Variants in ANO10 observed in about 807,000 individuals in gnomAD.
ANO10 encodes anoctamin 10, also known as anoctamin-10.
ANO10 carries 77 observed loss-of-function variants against 74.7 expected under a neutral mutation model. The ratio of observed to expected loss-of-function variants is 1.03; its 90% confidence interval spans 0.86 to 1.25. The LOEUF is 1.25. Ranked by LOEUF, ANO10 falls within the 50% of genes most tolerant of loss-of-function variation. The pLI is 0.00. For missense variants in ANO10, 721 were observed against 778.1 expected (o/e 0.93, Z 0.87); for synonymous variants, 279 against 284.9 (o/e 0.98, Z 0.21).
At chr3:43,613,125 ACC>A (rs1334514791) in intron 1 of ANO10, among the ~76,000 whole-genome samples, 1 of 151,842 alleles carries the variant, frequency 6.6e-6, no homozygotes, top group Non-Finnish European at 1.5e-5. Context: ...CCAAGGTCAC[ACC>A]ACTGCACTCC....
intron 11 of ANO10, among the ~76,000 whole-genome samples, chr3:43,537,869 C>A (rs1430220581): frequency 6.6e-6 from 1 of 152,218 alleles, no homozygotes; most frequent in East Asian, 1.9e-4. Flanking sequence ...CCACAAACCA[C>A]CGTCACATAG....
At chr3:43,583,192 G>A (rs550375855) in intron 4 of ANO10, among the ~76,000 whole-genome samples, 1 of 151,632 alleles carries the variant, frequency 6.6e-6, no homozygotes, top group South Asian at 2.1e-4. Context: ...CAGTGCCAAA[G>A]TCATGGTTCT....
intron 1 of ANO10, among the ~76,000 whole-genome samples, chr3:43,678,210 C>T (rs1369961380): frequency 1.3e-5 from 2 of 152,144 alleles, no homozygotes; most frequent in East Asian, 1.9e-4. Context: ...ATATTTCATG[C>T]CATCTATTGA....
At chr3:43,475,909 T>C (rs973314846) in intron 11 of ANO10, among the ~76,000 whole-genome samples, 19 of 152,170 alleles carry the variant, frequency 1.2e-4, no homozygotes, top group African/African-American at 4.3e-4. Context: ...GCCTACAAAT[T>C]TGTATGTATC....
intron 1 of ANO10, among the ~76,000 whole-genome samples, chr3:43,629,086 C>T (rs1458332976): frequency 2.0e-5 from 3 of 152,238 alleles, no homozygotes; most frequent in East Asian, 3.9e-4. Flanking sequence ...TGGGGCATCA[C>T]GGAACCTACC....
At chr3:43,617,745 TG>T (rs1429266068) in intron 1 of ANO10, among the ~76,000 whole-genome samples, 4 of 152,122 alleles carry the variant, frequency 2.6e-5, no homozygotes, top group African/African-American at 9.6e-5. Flanking sequence ...AAAAAGTCAA[TG>T]GAATTATCAC....
chr3:43,442,981 T>C (rs2093183272), intron 11 of ANO10, among the ~76,000 whole-genome samples: 1 of 152,216 alleles, frequency 6.6e-6, no homozygotes, highest in Non-Finnish European at 1.5e-5. Context: ...CTCAATAACA[T>C]AATGACTAGG....
intron 4 of ANO10, among the ~76,000 whole-genome samples, chr3:43,593,159 G>C (rs1324967403): frequency 6.6e-6 from 1 of 152,248 alleles, no homozygotes; most frequent in African/African-American, 2.4e-5. Flanking sequence ...GTGACGGAGA[G>C]AATGGAAACA....
intron 8 of ANO10, among the ~76,000 whole-genome samples, chr3:43,564,884 G>C (rs1229842335): frequency 6.6e-6 from 1 of 152,132 alleles, no homozygotes; most frequent in East Asian, 1.9e-4. Context: ...CTTCTGCTAA[G>C]TAAAGGAGAC....
chr3:43,469,595 C>T (rs1375308152), intron 11 of ANO10, among the ~76,000 whole-genome samples: 1 of 152,098 alleles, frequency 6.6e-6, no homozygotes, highest in Admixed American at 6.6e-5. Context: ...AATGAAGCTA[C>T]CCTAAACAAG....
At chr3:43,493,711 TTAAA>T (rs1459458801) in intron 11 of ANO10, among the ~76,000 whole-genome samples, 1 of 152,180 alleles carries the variant, frequency 6.6e-6, no homozygotes. Flanking sequence ...AAAAATATAC[TTAAA>T]TAAAAATCAT....
At chr3:43,564,995 C>T (rs79072403) in intron 8 of ANO10, among the ~76,000 whole-genome samples, 2,566 of 152,272 alleles carry the variant, frequency 0.017, 64 homozygotes, top group African/African-American at 0.057. Context: ...AAATGTACTA[C>T]TTTAAACTTT....
intron 9 of ANO10, among the ~76,000 whole-genome samples, chr3:43,556,215 C>T (rs900626656): frequency 2.0e-5 from 3 of 152,112 alleles, no homozygotes; most frequent in African/African-American, 7.2e-5. Flanking sequence ...AAAATCTTAG[C>T]AATCAAGCCA....
chr3:43,529,418 A>G (rs2078356887), intron 11 of ANO10, among the ~76,000 whole-genome samples: 1 of 152,150 alleles, frequency 6.6e-6, no homozygotes, highest in Admixed American at 6.5e-5. Flanking sequence ...ACCATTTGGG[A>G]TTTTTTTAGG....
chr3:43,513,079 TC>T (rs2077571397), intron 11 of ANO10, among the ~76,000 whole-genome samples: 1 of 152,170 alleles, frequency 6.6e-6, no homozygotes, highest in Admixed American at 6.5e-5. Flanking sequence ...GCAGGTGATC[TC>T]CCTCAAGTTT....
intron 12 of ANO10, among the ~76,000 whole-genome samples, chr3:43,371,329 C>T (rs1321060636): frequency 6.6e-6 from 1 of 152,108 alleles, no homozygotes; most frequent in Non-Finnish European, 1.5e-5. Flanking sequence ...AGGCTGCTGG[C>T]CACATAGGGT....
chr3:43,378,942 T>C (rs980306175), intron 12 of ANO10, among the ~76,000 whole-genome samples: 4 of 152,210 alleles, frequency 2.6e-5, no homozygotes, highest in African/African-American at 9.7e-5. Context: ...ACAAGCAGGA[T>C]TAATTACTGC....
intron 1 of ANO10, among the ~76,000 whole-genome samples, chr3:43,677,219 A>G (rs1226372425): frequency 6.6e-6 from 1 of 152,170 alleles, no homozygotes; most frequent in East Asian, 1.9e-4. Flanking sequence ...CATCTTCCTA[A>G]GGGAATGAAT....
rs1240486656 is a variant in ANO10 at position 43,652,620 on chromosome 3, A to AAAC, written c.-12+38896_-12+38897insGTT. 1.6e-4 allele frequency among the ~76,000 whole-genome samples: 24 copies of AAAC among 152,314 alleles called. No homozygotes were observed. In the South Asian group the frequency reaches 4.6e-3, roughly 29 times the overall value. On this transcript the variant is annotated intron_variant, in intron 1 of 3. Transcript: ENST00000413397. ...AAATAAAACTAAACCACTGGATAGT[A>AAAC]CACCTTAAGTGGGTGGATTTTAAGG...
Sources: allele counts gnomAD v4.1 joint callset (sites outside exome capture counted in the v4.1 genomes callset), GRCh38; gene constraint gnomAD v4.1.1; transcripts MANE v1.5; gene names NCBI Gene and HGNC (gene_info 2026-07-23, HGNC 2026-07-21).